Variants in CLCN3 observed in about 807,000 individuals in gnomAD.
CLCN3 encodes the protein H(+)/Cl(-) exchange transporter 3.
Under a neutral mutation model 83.4 loss-of-function variants are expected in CLCN3, and 16 were observed. The observed-to-expected ratio is 0.19, with a 90% CI of 0.13 to 0.29. CLCN3 has a LOEUF of 0.29. CLCN3 is among the 10% of genes least tolerant of loss of function. The pLI is 1.00. For synonymous variants in CLCN3, 322 were observed against 346.2 expected (o/e 0.93, Z 0.78); for missense variants, 544 against 1,006.0 (o/e 0.54, Z 6.21).
chr4:169,637,531 A>G (rs1252958079), intron 2 of CLCN3, among the ~76,000 whole-genome samples: 1 of 152,088 alleles, frequency 6.6e-6, no homozygotes, highest in African/African-American at 2.4e-5. Context: ...TGATTGCACC[A>G]CTGCACTCCT....
At chr4:169,646,449 C>A (rs1172289317) in intron 2 of CLCN3, among the ~76,000 whole-genome samples, 1 of 151,888 alleles carries the variant, frequency 6.6e-6, no homozygotes, top group Admixed American at 6.6e-5. Context: ...CCACCATGCC[C>A]AGCTAAGTTT....
At chr4:169,698,618 TG>T (rs1373094468) in intron 9 of CLCN3, among the ~76,000 whole-genome samples, 6 of 152,220 alleles carry the variant, frequency 3.9e-5, no homozygotes, top group Non-Finnish European at 8.8e-5. Flanking sequence ...ATACACTTGC[TG>T]GGACAAGTGT....
chr4:169,695,686 G>T lies in CLCN3; in HGVS notation c.1011G>T (p.Leu337=). The change falls in exon 8 of 13, where the codon CTG becomes CTT. Residue 337 remains leucine, a synonymous_variant. Coordinates refer to ENST00000513761, the MANE Select transcript of CLCN3 (RefSeq NM_001829.4). ...CAATTGGAGGAGTTCTTTTTAGCCT[G>T]GAAGAGGTAGGTGAAAAGAATACAA... is the stretch of plus-strand genomic sequence containing the variant. ...GAPIGGVLFS[L]EEVSYYFPLK... is the part of the protein sequence containing the mutation. The T allele has an allele frequency of 6.2e-7, 1 of 1,605,938 alleles. No homozygotes were observed. The highest frequency in any genetic ancestry group is 8.5e-7 in the Non-Finnish European group (1 of 1,173,206).
intron 1 of CLCN3, among the ~76,000 whole-genome samples, chr4:169,624,085 C>T (rs1773171128): frequency 6.6e-6 from 1 of 152,138 alleles, no homozygotes; most frequent in Admixed American, 6.6e-5. Flanking sequence ...TAAACTGAAC[C>T]TTGCCCAGTG....
chr4:169,707,932 T>G (rs545113693), intron 11 of CLCN3, among the ~76,000 whole-genome samples: 22 of 152,342 alleles, frequency 1.4e-4, no homozygotes, highest in African/African-American at 5.3e-4. Context: ...CTCTAAAATT[T>G]GTTTTTCTCT....
rs869309150 is a variant in CLCN3 at position 169,697,166 on chromosome 4, TCTTTTC to T, written c.1018-16_1018-11del. The T allele has an allele frequency of 1.4e-6, 2 of 1,474,436 alleles. No homozygotes were observed. The highest frequency in any genetic ancestry group is 2.7e-5 in the South Asian group (2 of 74,506). The allele number at this position is 1,474,436 out of a possible 1,614,324, so 91.3% of individuals were successfully genotyped here. A position where few individuals can be genotyped will look rare whatever the true frequency, so the allele number is the denominator to read the frequency against. The stretch of plus-strand genomic sequence containing the variant: ...CTTATAAAATTATAGCATTAATTTT[TCTTTTC>T]CTTTTCTTTTTTTTAGGTTAGCTAT... On this transcript the variant is annotated splice_polypyrimidine_tract_variant and intron_variant, in intron 8 of 12. Transcript: ENST00000513761.
rs571150886 is a variant in CLCN3, at chr4:169,707,372, C to T, written c.2149+106C>T. On this transcript the variant is annotated intron_variant, in intron 11 of 12. Transcript: ENST00000513761. Reference sequence around the variant, plus strand: ...GGGTTGGATTTGTGGGGGCAAGGGACATTATTTTATGTCCCTTAAAATCTT... The same window carrying T: ...GGGTTGGATTTGTGGGGGCAAGGGATATTATTTTATGTCCCTTAAAATCTT... 304 of 811,826 alleles carry T rather than the reference C, an allele frequency of 3.7e-4. No individual in the cohort carries two copies. The African/African-American group carries it at 4.4e-3, about 12-fold the overall frequency. 50.3% of individuals were successfully genotyped at this position (811,826 alleles called of 1,614,324 possible).
chr4:169,633,027 G>C (rs888763909), intron 1 of CLCN3, among the ~76,000 whole-genome samples: 4 of 150,416 alleles, frequency 2.7e-5, no homozygotes, highest in African/African-American at 9.9e-5. Flanking sequence ...TTATTACTTT[G>C]TTTGAGACAG....
Position 169,720,632 on chromosome 4 carries a change from T to C in CLCN3, c.*635T>C, listed in dbSNP as rs1733603657. 1 of 152,642 alleles carries C rather than the reference T, an allele frequency of 6.6e-6. No homozygotes were observed. Among genetic ancestry groups the C allele is most frequent in the African/African-American group, 2.4e-5 (1 of 41,434 alleles). 9.5% of individuals were successfully genotyped at this position (152,642 alleles called of 1,614,324 possible). On this transcript the variant is annotated 3_prime_UTR_variant, in exon 13 of 13. Coordinates refer to ENST00000513761, the MANE Select transcript of CLCN3 (RefSeq NM_001829.4). ...AGTCCTTTCTCATATTGAGATGTAC[T>C]GTGATTTTACTGAGGTTTCATCACA...
At chr4:169,632,941 C>T (rs1773415682) in intron 1 of CLCN3, among the ~76,000 whole-genome samples, 1 of 151,856 alleles carries the variant, frequency 6.6e-6, no homozygotes, top group South Asian at 2.1e-4. Flanking sequence ...AATAATTGCA[C>T]GTAGATAATA....
At position 169,655,014 on chromosome 4, in the gene CLCN3, CTTATG is replaced by C. The variant is rs560864369; in HGVS notation, c.160+18931_160+18935del. ...CAATTTTTGCTTTATATACTTTGAT[CTTATG>C]TTATTAGGTTATATCTTCCTGGTGA... is the stretch of plus-strand genomic sequence containing the variant. On this transcript the variant is annotated intron_variant, in intron 2 of 12. Transcript: ENST00000513761. Among the ~76,000 whole-genome samples, 332 of 152,188 alleles carry C rather than the reference CTTATG, an allele frequency of 2.2e-3. 4 individuals carry two copies. The highest frequency in any genetic ancestry group is 7.8e-3 in the African/African-American group (324 of 41,542).
At chr4:169,663,510 AT>A (rs35801757) in intron 2 of CLCN3, 8,502 of 243,254 alleles carry the variant, frequency 0.035, no homozygotes, top group South Asian at 0.07. Flanking sequence ...AAAAAACAAA[AT>A]TTTTTTTTTT....
In CLCN3 at chr4:169,719,961, G is replaced by A. The variant is rs149400550; in HGVS notation, c.2421G>A (p.Thr807=). 3.8e-3 allele frequency: 6,093 copies of A among 1,613,792 alleles called. 47 individuals carry two copies. Among genetic ancestry groups the A allele is most frequent in the Middle Eastern group, 0.021 (130 of 6,062 alleles). ...ATATCCTCCGGCATATGGCCCAGAC[G>A]GCAAACCAAGACCCCGCTTCAATAA... ...KKDILRHMAQ[T]ANQDPASIMF... The change falls in exon 13 of 13, where the codon ACG becomes ACA. Residue 807 remains threonine, a synonymous_variant. Coordinates refer to ENST00000513761, the MANE Select transcript of CLCN3 (RefSeq NM_001829.4).
At chr4:169,621,152 T>G (rs1183759587) in intron 1 of CLCN3, 89 bp downstream of exon 1, 1 of 378,974 alleles carries the variant, frequency 2.6e-6, no homozygotes, top group African/African-American at 2.1e-5. Context: ...CATCTTGGTT[T>G]CTCTTACAAT....
intron 9 of CLCN3, among the ~76,000 whole-genome samples, chr4:169,698,073 G>C (rs1271556167): frequency 6.6e-6 from 1 of 152,146 alleles, no homozygotes; most frequent in Non-Finnish European, 1.5e-5. Flanking sequence ...TCATCTCAAA[G>C]CTTCTTTTTT....
chr4:169,688,568 G>T (rs568112669), intron 4 of CLCN3, among the ~76,000 whole-genome samples: 17 of 152,052 alleles, frequency 1.1e-4, no homozygotes, highest in African/African-American at 3.9e-4. Flanking sequence ...ATAAATTTGT[G>T]TATTTTTTAT....
chr4:169,672,860 T>C (rs1416732262), intron 2 of CLCN3, among the ~76,000 whole-genome samples: 1 of 151,684 alleles, frequency 6.6e-6, no homozygotes, highest in Non-Finnish European at 1.5e-5. Flanking sequence ...AGACAGGGTT[T>C]CACCATCTTG....
At chr4:169,644,174 A>G (rs192374741) in intron 2 of CLCN3, among the ~76,000 whole-genome samples, 1 of 152,262 alleles carries the variant, frequency 6.6e-6, no homozygotes, top group Admixed American at 6.5e-5. Context: ...TAAAATGAAT[A>G]CTTACTGTTT....
chr4:169,633,625 G>A (rs1207174910), intron 1 of CLCN3, among the ~76,000 whole-genome samples: 1 of 152,148 alleles, frequency 6.6e-6, no homozygotes, highest in Non-Finnish European at 1.5e-5. Context: ...AAAAGTGTTA[G>A]TGCTGCAAAT....
Sources: allele counts gnomAD v4.1 joint callset (sites outside exome capture counted in the v4.1 genomes callset), GRCh38; gene constraint gnomAD v4.1.1; transcripts MANE v1.5; gene names NCBI Gene and HGNC (gene_info 2026-07-23, HGNC 2026-07-21).